Variants in MSRA observed in about 807,000 individuals in gnomAD.
MSRA encodes the protein methionine sulfoxide reductase A.
Under a neutral mutation model 31.3 loss-of-function variants are expected in MSRA, and 54 were observed. The ratio of observed to expected loss-of-function variants is 1.73; its 90% CI spans 1.39 to 2.17. The LOEUF is 2.17. MSRA is among the 30% of genes most tolerant of loss of function. The probability of loss-of-function intolerance (pLI) is 0.00; values close to 1 mark genes in which losing one functional copy is unlikely to be tolerated. For missense variants in MSRA, 507 were observed against 300.9 expected (o/e 1.69, Z -5.07); for synonymous variants, 169 against 116.5 (o/e 1.45, Z -2.90).
intron 1 of MSRA, among the ~76,000 whole-genome samples, chr8:10,195,655 C>T (rs946871036): frequency 6.6e-6 from 1 of 152,178 alleles, no homozygotes; most frequent in Admixed American, 6.5e-5. Flanking sequence ...TTAATGGAGG[C>T]CAGCTGGCCT....
chr8:10,122,389 A>T (rs1205377161), intron 1 of MSRA, among the ~76,000 whole-genome samples: 1 of 152,214 alleles, frequency 6.6e-6, no homozygotes, highest in African/African-American at 2.4e-5. Flanking sequence ...ATGGCACAAA[A>T]GTATTCAAAA....
intron 3 of MSRA, among the ~76,000 whole-genome samples, chr8:10,255,188 C>T (rs1446520920): frequency 3.3e-5 from 5 of 152,192 alleles, no homozygotes; most frequent in Non-Finnish European, 5.9e-5. Flanking sequence ...GGCTGAAACA[C>T]GCAGTAAAAT....
chr8:10,411,993 C>T (rs913770016), intron 5 of MSRA, among the ~76,000 whole-genome samples: 1 of 152,168 alleles, frequency 6.6e-6, no homozygotes, highest in African/African-American at 2.4e-5. Context: ...GTTTTTATCA[C>T]ATTTCATAAA....
intron 5 of MSRA, among the ~76,000 whole-genome samples, chr8:10,413,049 G>T (rs1808249036): frequency 6.6e-6 from 1 of 152,142 alleles, no homozygotes; most frequent in African/African-American, 2.4e-5. Flanking sequence ...GTTCATAATA[G>T]CCAGAAACAG....
intron 1 of MSRA, among the ~76,000 whole-genome samples, chr8:10,128,089 C>T (rs1407144358): frequency 6.6e-6 from 1 of 152,054 alleles, no homozygotes; most frequent in Non-Finnish European, 1.5e-5. Flanking sequence ...TAAAAAGTTT[C>T]TGTCTAGGCC....
chr8:10,395,977 C>G (rs1393373489), intron 5 of MSRA, among the ~76,000 whole-genome samples: 1 of 152,220 alleles, frequency 6.6e-6, no homozygotes, highest in African/African-American at 2.4e-5. Context: ...CTCAAGTGGG[C>G]AGTCTCTTGT....
chr8:10,175,298 T>C (rs1805949847), intron 1 of MSRA, among the ~76,000 whole-genome samples: 1 of 152,246 alleles, frequency 6.6e-6, no homozygotes, highest in South Asian at 2.1e-4. Flanking sequence ...CAATTTAGCA[T>C]GTAACCGTAT....
chr8:10,358,924 C>A (rs190816110), intron 5 of MSRA, among the ~76,000 whole-genome samples: 1 of 152,214 alleles, frequency 6.6e-6, no homozygotes, highest in Non-Finnish European at 1.5e-5. Flanking sequence ...TTGTGAACTG[C>A]ACGTGTGAGG....
At chr8:10,391,713 C>T (rs1405835582) in intron 5 of MSRA, among the ~76,000 whole-genome samples, 1 of 152,204 alleles carries the variant, frequency 6.6e-6, no homozygotes, top group Non-Finnish European at 1.5e-5. Context: ...ACAGCTCTGC[C>T]ACCTGCTTTC....
At chr8:10,133,569 T>A (rs934363653) in intron 1 of MSRA, among the ~76,000 whole-genome samples, 1 of 152,228 alleles carries the variant, frequency 6.6e-6, no homozygotes, top group Non-Finnish European at 1.5e-5. Context: ...ACCAGCTGTG[T>A]GGCCCTTCCA....
At position 10,291,052 on chromosome 8, in the gene MSRA, G is replaced by T. The variant is rs994708951; in HGVS notation, c.332-10482G>T. ...ATCAGCAGGTTGGATACAGAAACTA[G>T]GGAGTGGCTCACTGCTATCCTAGTT... On this transcript the variant is annotated intron_variant, in intron 3 of 5. Coordinates refer to ENST00000317173, the MANE Select transcript of MSRA (RefSeq NM_012331.5). 2.0e-5 allele frequency among the ~76,000 whole-genome samples: 3 copies of T among 152,188 alleles called. No homozygotes were observed. In the East Asian group the frequency reaches 5.8e-4, roughly 29 times the overall value.
chr8:10,255,520 C>T (rs867406766), intron 3 of MSRA, among the ~76,000 whole-genome samples: 4 of 152,252 alleles, frequency 2.6e-5, no homozygotes, highest in South Asian at 4.1e-4. Flanking sequence ...GAGCTGCTGG[C>T]GACTGTCACA....
intron 1 of MSRA, among the ~76,000 whole-genome samples, chr8:10,129,141 C>G (rs1388879765): frequency 6.6e-6 from 1 of 152,174 alleles, no homozygotes; most frequent in Non-Finnish European, 1.5e-5. Context: ...CCTCTAGCTT[C>G]TGAGTGACGG....
intron 1 of MSRA, among the ~76,000 whole-genome samples, chr8:10,119,264 C>G (rs983613575): frequency 3.9e-5 from 6 of 152,206 alleles, no homozygotes; most frequent in African/African-American, 1.2e-4. Context: ...AAATGCTTAT[C>G]TTCATAATGA....
At chr8:10,300,817 T>G (rs1262308791) in intron 3 of MSRA, among the ~76,000 whole-genome samples, 4 of 151,958 alleles carry the variant, frequency 2.6e-5, no homozygotes, top group African/African-American at 9.7e-5. Context: ...GGACATGAAT[T>G]TCACAGGTAC....
At position 10,332,451 on chromosome 8, in the gene MSRA, T is replaced by TCCCCC. The variant is rs373121180; in HGVS notation, c.543+12464_543+12468dup. Among the ~76,000 whole-genome samples the TCCCCC allele has an allele frequency of 2.9e-4, 42 of 146,484 alleles. 1 individual carries two copies. The highest frequency in any genetic ancestry group is 4.6e-4 in the Non-Finnish European group (30 of 65,816). ...GACTTACCTTAGTCAAAAAGAAAAA[T>TCCCCC]CCCCCCTCCCCACCGTATGCCTAGC... On this transcript the variant is annotated intron_variant, in intron 5 of 5. Coordinates refer to ENST00000317173, the MANE Select transcript of MSRA (RefSeq NM_012331.5).
At chr8:10,266,915 C>A (rs1798777144) in intron 3 of MSRA, among the ~76,000 whole-genome samples, 1 of 152,062 alleles carries the variant, frequency 6.6e-6, no homozygotes, top group South Asian at 2.1e-4. Flanking sequence ...CTCAATAAAC[C>A]CCTAAAGTAC....
intron 1 of MSRA, among the ~76,000 whole-genome samples, chr8:10,145,928 G>A (rs1007372411): frequency 1.3e-5 from 2 of 152,186 alleles, no homozygotes; most frequent in African/African-American, 2.4e-5. Context: ...ACAAGGATTT[G>A]GTGTGGGTGG....
At chr8:10,241,840 CG>C (rs532919040) in intron 2 of MSRA, among the ~76,000 whole-genome samples, 113 of 152,246 alleles carry the variant, frequency 7.4e-4, no homozygotes, top group Non-Finnish European at 1.4e-3. Flanking sequence ...CCTCTGAGGA[CG>C]GTTGTGTGAA....
Sources: gnomAD v4.1 joint callset for allele counts (sites outside exome capture counted in the v4.1 genomes callset) on GRCh38, gnomAD v4.1.1 for gene constraint, MANE v1.5 for transcripts, NCBI Gene and HGNC (gene_info 2026-07-23, HGNC 2026-07-21) for gene names.